The following GTF3C3 variants were observed in gnomAD, a reference collection of about 807,000 sequenced individuals.
GTF3C3 encodes general transcription factor 3C polypeptide 3.
A neutral mutation model predicts 105.2 loss-of-function variants in GTF3C3; 75 were observed. That is an observed-to-expected ratio of 0.71 (90% CI 0.59 to 0.86). GTF3C3 has a LOEUF of 0.86. Ranked by LOEUF, GTF3C3 falls within the 40% of genes least tolerant of loss-of-function variation. The pLI is 0.00. For missense variants in GTF3C3, 856 were observed against 1,076.5 expected, an observed-to-expected ratio of 0.80 and a Z score of 2.87; for synonymous variants, 335 against 370.4, an observed-to-expected ratio of 0.90 and a Z score of 1.10.
intron 17 of GTF3C3, among the ~76,000 whole-genome samples, chr2:196,765,316 G>GA (rs944729061): frequency 1.2e-4 from 18 of 149,878 alleles, no homozygotes; most frequent in East Asian, 5.8e-4. Context: ...TGGGTCAACT[G>GA]AAAAAAAAAT....
intron 14 of GTF3C3, among the ~76,000 whole-genome samples, 193 bp from the exon 15 acceptor site, chr2:196,772,131 T>G (rs1422404434): frequency 6.6e-6 from 1 of 152,232 alleles, no homozygotes; most frequent in African/African-American, 2.4e-5. Context: ...AAATGTTGCT[T>G]AAGTTAGTGT....
At chr2:196,768,564 G>A (rs1402134819) in intron 16 of GTF3C3, among the ~76,000 whole-genome samples, 1 of 152,080 alleles carries the variant, frequency 6.6e-6, no homozygotes, top group East Asian at 1.9e-4. Context: ...CTTGTAGCAA[G>A]AAGAAAGAAA....
chr2:196,770,800 C>A (rs1285452443), intron 15 of GTF3C3, among the ~76,000 whole-genome samples: 3 of 152,082 alleles, frequency 2.0e-5, no homozygotes, highest in Admixed American at 2.0e-4. Flanking sequence ...ATTTGTCTAT[C>A]ATTTTAACCT....
chr2:196,793,247 A>G, intron 2 of GTF3C3, 95 bp from the exon 3 acceptor site: 1 of 851,386 alleles, frequency 1.2e-6, no homozygotes, highest in South Asian at 1.9e-5. Flanking sequence ...TTACCCCAGT[A>G]ACACCAAATT....
intron 8 of GTF3C3, among the ~76,000 whole-genome samples, chr2:196,781,805 T>C (rs1182608985): frequency 2.0e-5 from 3 of 152,232 alleles, no homozygotes; most frequent in Admixed American, 1.3e-4. Context: ...TTACCTACCA[T>C]GTAAATTTAC....
At chr2:196,796,613 G>A (rs1020814162) in intron 2 of GTF3C3, among the ~76,000 whole-genome samples, 3 of 152,100 alleles carry the variant, frequency 2.0e-5, no homozygotes, top group Non-Finnish European at 4.4e-5. Flanking sequence ...CCATCACCTA[G>A]ATATTAAGCC....
chr2:196,765,189 A>G (rs1230876416), intron 17 of GTF3C3, among the ~76,000 whole-genome samples: 8 of 152,304 alleles, frequency 5.3e-5, no homozygotes, highest in African/African-American at 1.9e-4. Flanking sequence ...GGATACAACA[A>G]ATTGACTCCA....
intron 8 of GTF3C3, among the ~76,000 whole-genome samples, chr2:196,781,355 AAAATATATATAT>A (rs1227413879): frequency 1.9e-4 from 6 of 31,188 alleles, no homozygotes; most frequent in Admixed American, 5.7e-4. Flanking sequence ...AAAAAAAAAA[AAAATATATATAT>A]ATATATATAT....
chr2:196,799,483 G>A (rs757393594), intron 1 of GTF3C3, 27 bp downstream of exon 1: 2 of 1,553,154 alleles, frequency 1.3e-6, no homozygotes, highest in Non-Finnish European at 1.8e-6. Context: ...CAAGAGTGAA[G>A]GGCACCGTGG....
rs537904798 is a variant in GTF3C3 at position 196,798,772 on chromosome 2, G to A, written c.102+738C>T. Among the ~76,000 whole-genome samples, 6 of 145,132 alleles carry A rather than the reference G, an allele frequency of 4.1e-5. No homozygotes were observed. The South Asian group carries it at 1.3e-3, about 32-fold the overall frequency. Reference sequence around the variant, plus strand: ...AGCTACTCGGGAGGCTGAGGCAGGAGAATCGCTTGAAACCAGAAGGCCGAG... The same window carrying A: ...AGCTACTCGGGAGGCTGAGGCAGGAAAATCGCTTGAAACCAGAAGGCCGAG... On this transcript the variant is annotated intron_variant, in intron 1 of 17. Transcript: ENST00000263956.
chr2:196,766,448 G>A (rs1699070792), intron 17 of GTF3C3, 117 bp downstream of exon 17: 2 of 760,422 alleles, frequency 2.6e-6, no homozygotes, highest in African/African-American at 3.5e-5. Flanking sequence ...TAAACATACT[G>A]AATAAGAGAA....
intron 4 of GTF3C3, among the ~76,000 whole-genome samples, chr2:196,790,960 G>C (rs1447029146): frequency 2.0e-5 from 3 of 151,892 alleles, no homozygotes; most frequent in Non-Finnish European, 4.4e-5. Flanking sequence ...AAGATGACAA[G>C]TTTAAACTGT....
chr2:196,793,228 T>C (rs1280023512), intron 2 of GTF3C3, 76 bp from the exon 3 acceptor site: 1 of 1,103,982 alleles, frequency 9.1e-7, no homozygotes, highest in East Asian at 2.4e-5. Flanking sequence ...ATTTTCTAAG[T>C]ATAAATTTTT....
intron 3 of GTF3C3, chr2:196,791,664 G>A (rs1035637461): frequency 2.2e-6 from 1 of 448,250 alleles, no homozygotes; most frequent in African/African-American, 2.0e-5. Flanking sequence ...GGCCATACAT[G>A]GTGACTCATT....
intron 7 of GTF3C3, 35 bp from the exon 8 acceptor site, chr2:196,784,964 A>G (rs1029951803): frequency 5.2e-5 from 72 of 1,384,566 alleles, no homozygotes; most frequent in Non-Finnish European, 7.3e-5. Flanking sequence ...GAAATAAAAT[A>G]TGTGTGAAAA....
At chr2:196,773,334 C>T (rs1008469018) in intron 13 of GTF3C3, among the ~76,000 whole-genome samples, 181 bp from the exon 14 acceptor site, 6 of 152,288 alleles carry the variant, frequency 3.9e-5, no homozygotes, top group African/African-American at 2.4e-5. Context: ...CAATACTATC[C>T]GCTTCTTCTC....
At chr2:196,782,647 A>C (rs1257956273) in intron 8 of GTF3C3, among the ~76,000 whole-genome samples, 3 of 152,278 alleles carry the variant, frequency 2.0e-5, no homozygotes, top group African/African-American at 7.2e-5. Context: ...TAGGTGTCAC[A>C]ATCTCAATAT....
intron 17 of GTF3C3, among the ~76,000 whole-genome samples, 177 bp from the exon 18 acceptor site, chr2:196,764,862 C>A (rs1699033814): frequency 6.6e-6 from 1 of 152,074 alleles, no homozygotes; most frequent in Non-Finnish European, 1.5e-5. Context: ...ATTCAGTTAA[C>A]AGCATCATCA....
chr2:196,798,403 T>C (rs1699684857), intron 1 of GTF3C3, among the ~76,000 whole-genome samples: 1 of 151,734 alleles, frequency 6.6e-6, no homozygotes, highest in African/African-American at 2.4e-5. Context: ...CTCACACCTG[T>C]GGTCTCAGCT....
Sources: allele counts gnomAD v4.1 joint callset (sites outside exome capture counted in the v4.1 genomes callset), GRCh38; gene constraint gnomAD v4.1.1; transcripts MANE v1.5; gene names NCBI Gene and HGNC (gene_info 2026-07-23, HGNC 2026-07-21).